The following CRTAC1 variants were observed in gnomAD, a reference collection of about 807,000 sequenced individuals.
CRTAC1 encodes cartilage acidic protein 1, also known as acidic secreted protein in cartilage.
In CRTAC1, 37 loss-of-function variants were observed where a neutral mutation model predicts 67.8. That is an observed-to-expected ratio of 0.55 (90% CI 0.42 to 0.72). CRTAC1 has a LOEUF of 0.72. Ranked by LOEUF, CRTAC1 falls within the 30% of genes least tolerant of loss-of-function variation. CRTAC1 has a pLI of 0.00. For synonymous variants in CRTAC1, 348 were observed against 371.0 expected, an observed-to-expected ratio of 0.94 and a Z score of 0.71; for missense variants, 780 against 931.6, an observed-to-expected ratio of 0.84 and a Z score of 2.12.
At chr10:97,939,565 C>T (rs1360080041) in intron 2 of CRTAC1, among the ~76,000 whole-genome samples, 1 of 152,178 alleles carries the variant, frequency 6.6e-6, no homozygotes, top group Non-Finnish European at 1.5e-5. Flanking sequence ...GTTGCCACTT[C>T]CTCCTTTCAC....
chr10:97,998,863 T>C (rs1447142243), intron 2 of CRTAC1, among the ~76,000 whole-genome samples: 1 of 152,218 alleles, frequency 6.6e-6, no homozygotes, highest in Non-Finnish European at 1.5e-5. Context: ...CCTGAAGTCC[T>C]TGTATTGTTA....
At chr10:98,027,312 G>A in intron 1 of CRTAC1, among the ~76,000 whole-genome samples, 1 of 152,166 alleles carries the variant, frequency 6.6e-6, no homozygotes, top group East Asian at 1.9e-4. Flanking sequence ...GGTCACCGAA[G>A]AAGTCCAAAC....
chr10:97,963,395 A>G (rs1160536653), intron 2 of CRTAC1, among the ~76,000 whole-genome samples: 1 of 152,166 alleles, frequency 6.6e-6, no homozygotes, highest in Non-Finnish European at 1.5e-5. Flanking sequence ...AGGCCCAGCC[A>G]TCCATGGTTT....
At chr10:97,928,001 G>A (rs2050947574) in intron 3 of CRTAC1, among the ~76,000 whole-genome samples, 1 of 152,230 alleles carries the variant, frequency 6.6e-6, no homozygotes, top group African/African-American at 2.4e-5. Context: ...TCGGGAAGAG[G>A]TGAGACTGTT....
intron 2 of CRTAC1, among the ~76,000 whole-genome samples, chr10:97,944,212 G>T (rs2051224396): frequency 6.6e-6 from 1 of 152,148 alleles, no homozygotes; most frequent in South Asian, 2.1e-4. Flanking sequence ...TGGATCACCT[G>T]AGGTCAGGAG....
chr10:97,919,178 A>G (rs1215908177), intron 4 of CRTAC1, among the ~76,000 whole-genome samples: 1 of 152,038 alleles, frequency 6.6e-6, no homozygotes, highest in African/African-American at 2.4e-5. Context: ...CCAAGGAGGG[A>G]GCTTAGAGTT....
At chr10:97,982,029 C>T (rs2051899956) in intron 2 of CRTAC1, among the ~76,000 whole-genome samples, 2 of 152,240 alleles carry the variant, frequency 1.3e-5, no homozygotes, top group South Asian at 4.1e-4. Context: ...TCCAGCATCT[C>T]ACTGTGGCTT....
At chr10:97,949,665 A>T (rs1181880499) in intron 2 of CRTAC1, among the ~76,000 whole-genome samples, 2 of 152,242 alleles carry the variant, frequency 1.3e-5, no homozygotes, top group Non-Finnish European at 2.9e-5. Flanking sequence ...GAGAGGCAGC[A>T]TAGCTCCATG....
chr10:97,970,513 C>A (rs866042353), intron 2 of CRTAC1, among the ~76,000 whole-genome samples: 16 of 152,204 alleles, frequency 1.1e-4, no homozygotes, highest in African/African-American at 3.9e-4. Flanking sequence ...TCTGCTTCCT[C>A]ACTCTGCTCC....
chr10:97,894,615 C>T (rs952623247), intron 11 of CRTAC1, among the ~76,000 whole-genome samples: 3 of 148,238 alleles, frequency 2.0e-5, no homozygotes, highest in Non-Finnish European at 4.5e-5. Flanking sequence ...CCAGGCTAGT[C>T]TCGAACTCTT....
intron 2 of CRTAC1, among the ~76,000 whole-genome samples, chr10:97,982,720 G>A (rs553526791): frequency 2.0e-4 from 31 of 152,180 alleles, no homozygotes; most frequent in African/African-American, 5.5e-4. Flanking sequence ...CAGAAGCGCC[G>A]CAATTGTGTA....
In CRTAC1 at chr10:97,882,817, T is replaced by C. The variant is rs746518576; in HGVS notation, c.1644A>G (p.Gly548=). ...QDPAPLECGQ[G]FSQQENGHCM... ...AATGGCCATTTTCCTGCTGGGAGAA[T>C]CCTTGGCCACACTGTAAGGTGGGCA... The change falls in exon 13 of 15, where the codon GGA becomes GGG. Residue 548 remains glycine, a synonymous_variant. Transcript: ENST00000370597. The C allele has an allele frequency of 3.1e-6, 5 of 1,614,198 alleles. No homozygotes were observed. In the South Asian group the frequency reaches 5.5e-5, roughly 18 times the overall value.
intron 3 of CRTAC1, among the ~76,000 whole-genome samples, chr10:97,928,205 T>C (rs1428350389): frequency 1.8e-5 from 1 of 54,174 alleles, no homozygotes; most frequent in Non-Finnish European, 6.9e-5. Context: ...CTTGAAGGTC[T>C]CAGAGTCCAG....
intron 2 of CRTAC1, among the ~76,000 whole-genome samples, chr10:97,980,732 G>A (rs2051880181): frequency 6.6e-6 from 1 of 152,198 alleles, no homozygotes; most frequent in Non-Finnish European, 1.5e-5. Context: ...GAGAAGTCTG[G>A]CACAAATAAG....
Position 97,969,834 on chromosome 10 carries a change from CT to C in CRTAC1, c.225-33469del, listed in dbSNP as rs201887498. Among the ~76,000 whole-genome samples the C allele has an allele frequency of 3.6e-3, 550 of 152,262 alleles. 6 individuals carry two copies. In the East Asian group the frequency reaches 0.039, roughly 11 times the overall value. On this transcript the variant is annotated intron_variant, in intron 2 of 14. Coordinates refer to ENST00000370597, the MANE Select transcript of CRTAC1 (RefSeq NM_018058.7). ...TAGGCTTAGTCATTGGGTATCTCCT[CT>C]CCCATCCATTTTCACTCCTTGGTGA...
chr10:97,933,484 AT>A (rs2051033641), intron 3 of CRTAC1, among the ~76,000 whole-genome samples: 1 of 152,220 alleles, frequency 6.6e-6, no homozygotes, highest in Admixed American at 6.5e-5. Context: ...GGATTTATTT[AT>A]CAAATTTTAA....
At chr10:97,917,693 C>T (rs1245471049) in intron 4 of CRTAC1, 37 bp from the exon 5 acceptor site, 2 of 1,480,354 alleles carry the variant, frequency 1.4e-6, no homozygotes, top group East Asian at 5.0e-5. Flanking sequence ...AGCAGGGCCA[C>T]CTTGGCTCAT....
At position 97,904,706 on chromosome 10, in the gene CRTAC1, T is replaced by G; in HGVS notation, c.959A>C (p.Tyr320Ser). ...YGNWNGPHRLYLQMSTHGKVR... is the reference protein window; with the variant it reads ...YGNWNGPHRLSLQMSTHGKVR... The stretch of plus-strand genomic sequence containing the variant: ...CTTCCCATGGGTGCTCATTTGCAGA[T>G]AGAGGCGGTGGGGGCCATTCCAGTT... Residue 320 changes from tyrosine (Y) to serine (S), a missense_variant, in exon 7 of 15, where the codon TAT (tyrosine) becomes TCT (serine). Coordinates refer to ENST00000370597, the MANE Select transcript of CRTAC1 (RefSeq NM_018058.7). The G allele has an allele frequency of 6.3e-7, 1 of 1,593,504 alleles. No homozygotes were observed.
In CRTAC1 at chr10:98,029,434, C is replaced by T. The variant is rs900834286; in HGVS notation, c.24+1015G>A. On this transcript the variant is annotated intron_variant, in intron 1 of 14. Coordinates refer to ENST00000370597, the MANE Select transcript of CRTAC1 (RefSeq NM_018058.7). This position sits in a 1 kb window ranked among gnomAD's most constrained non-coding sequence, Gnocchi z 4.7. Reference sequence around the variant, plus strand: ...TCAAGAATGTGTCCTGTCAGGAGAACGGAAGCATCTCCTGGGATGTGCAGA... The same window carrying T: ...TCAAGAATGTGTCCTGTCAGGAGAATGGAAGCATCTCCTGGGATGTGCAGA... Among the ~76,000 whole-genome samples, 3 of 151,962 alleles carry T rather than the reference C, an allele frequency of 2.0e-5. No individual in the cohort carries two copies. Among genetic ancestry groups the T allele is most frequent in the African/African-American group, 4.8e-5 (2 of 41,360 alleles).
Sources: gnomAD v4.1 joint callset for allele counts (sites outside exome capture counted in the v4.1 genomes callset) on GRCh38, gnomAD v4.1.1 for gene constraint, Gnocchi (gnomAD v3.1) non-coding constraint, MANE v1.5 for transcripts, NCBI Gene and HGNC (gene_info 2026-07-23, HGNC 2026-07-21) for gene names.